The following NRG3 variants were observed in gnomAD, a reference collection of about 807,000 sequenced individuals.
NRG3 encodes the protein pro-neuregulin-3, membrane-bound isoform.
NRG3 carries 31 observed loss-of-function variants against 66.9 expected under a neutral mutation model. The observed-to-expected ratio is 0.46, with a 90% CI of 0.35 to 0.63. NRG3 has a LOEUF of 0.63. Among genes scored for constraint, NRG3 ranks in the 20% least tolerant of loss-of-function variants. The probability of loss-of-function intolerance (pLI) is 0.00; values close to 1 mark genes in which losing one functional copy is unlikely to be tolerated. For synonymous variants in NRG3, 393 were observed against 359.4 expected (o/e 1.09, Z -1.06); for missense variants, 910 against 878.9 (o/e 1.04, Z -0.45).
chr10:82,349,269 G>A (rs2083244331), intron 1 of NRG3, among the ~76,000 whole-genome samples: 1 of 151,982 alleles, frequency 6.6e-6, no homozygotes, highest in Non-Finnish European at 1.5e-5. Context: ...CTGTTTGTTA[G>A]TTTTCCTTCT....
intron 2 of NRG3, among the ~76,000 whole-genome samples, chr10:82,498,775 C>T (rs561452173): frequency 1.3e-4 from 20 of 152,214 alleles, no homozygotes; most frequent in Non-Finnish European, 2.8e-4. Flanking sequence ...TCAATGTTGC[C>T]TCAACCCAGG....
intron 1 of NRG3, among the ~76,000 whole-genome samples, chr10:82,187,980 A>G (rs2073908328): frequency 6.6e-6 from 1 of 151,996 alleles, no homozygotes; most frequent in Non-Finnish European, 1.5e-5. Flanking sequence ...CGTAAAATGT[A>G]TATGGAACCA....
At chr10:82,961,168 C>T (rs546335775) in intron 6 of NRG3, among the ~76,000 whole-genome samples, 1 of 152,238 alleles carries the variant, frequency 6.6e-6, no homozygotes, top group South Asian at 2.1e-4. Flanking sequence ...TGCTAGAGAA[C>T]TTAATGTAAG....
At chr10:82,284,421 C>T (rs1339231483) in intron 1 of NRG3, among the ~76,000 whole-genome samples, 1 of 152,190 alleles carries the variant, frequency 6.6e-6, no homozygotes, top group Non-Finnish European at 1.5e-5. Context: ...GAATGGAAAG[C>T]ACTGATGTCA....
chr10:82,820,463 G>A (rs981952057), intron 3 of NRG3, among the ~76,000 whole-genome samples: 2 of 152,130 alleles, frequency 1.3e-5, no homozygotes, highest in East Asian at 1.9e-4. Context: ...TTATGACTTA[G>A]ATATCTCTTA....
chr10:82,417,351 C>A (rs766808393), intron 2 of NRG3, among the ~76,000 whole-genome samples: 10 of 152,036 alleles, frequency 6.6e-5, no homozygotes, highest in Admixed American at 5.9e-4. Flanking sequence ...AATAGTATTC[C>A]AGGCAAAATA....
intron 2 of NRG3, among the ~76,000 whole-genome samples, chr10:82,737,605 T>C (rs892740882): frequency 6.6e-6 from 1 of 152,162 alleles, no homozygotes; most frequent in Admixed American, 6.5e-5. Context: ...TAAGCAACAA[T>C]GGATGCTTCC....
intron 4 of NRG3, among the ~76,000 whole-genome samples, chr10:82,917,411 A>G (rs746607997): frequency 1.3e-5 from 2 of 152,240 alleles, no homozygotes; most frequent in Non-Finnish European, 2.9e-5. Context: ...GAAATGCCAC[A>G]CAAGTCGGGC....
chr10:82,910,776 A>G (rs1358993509), intron 4 of NRG3, among the ~76,000 whole-genome samples: 1 of 152,222 alleles, frequency 6.6e-6, no homozygotes, highest in Non-Finnish European at 1.5e-5. Context: ...AAATATAAAA[A>G]CACTTTATTG....
At chr10:82,191,401 A>G (rs1181900171) in intron 1 of NRG3, among the ~76,000 whole-genome samples, 1 of 152,118 alleles carries the variant, frequency 6.6e-6, no homozygotes, top group Non-Finnish European at 1.5e-5. Context: ...TTGGCCAATT[A>G]TGTATAAATG....
intron 1 of NRG3, among the ~76,000 whole-genome samples, chr10:81,907,217 C>T (rs544365695): frequency 6.6e-6 from 1 of 152,260 alleles, no homozygotes; most frequent in South Asian, 2.1e-4. Flanking sequence ...TTAAACAAAA[C>T]AAGTAATAGA....
At chr10:82,397,287 C>T (rs1408752130) in intron 2 of NRG3, among the ~76,000 whole-genome samples, 2 of 152,094 alleles carry the variant, frequency 1.3e-5, no homozygotes, top group Admixed American at 6.6e-5. Flanking sequence ...AGACCTCATG[C>T]CTGGTTTAGA....
At chr10:82,699,242 A>T (rs1409901114) in intron 2 of NRG3, among the ~76,000 whole-genome samples, 1 of 135,142 alleles carries the variant, frequency 7.4e-6, no homozygotes, top group Non-Finnish European at 1.5e-5. Context: ...AAATAAAAGA[A>T]GGAAAGAGGG....
At chr10:82,264,411 C>T (rs1169443367) in intron 1 of NRG3, among the ~76,000 whole-genome samples, 1 of 152,122 alleles carries the variant, frequency 6.6e-6, no homozygotes, top group African/African-American at 2.4e-5. Context: ...GCGACCCCCA[C>T]TCCCGCCCCG....
intron 4 of NRG3, among the ~76,000 whole-genome samples, chr10:82,917,362 T>G (rs1249700707): frequency 6.6e-6 from 1 of 152,158 alleles, no homozygotes; most frequent in Admixed American, 6.5e-5. Flanking sequence ...GCCTTCACAA[T>G]GAAGTCACAG....
intron 3 of NRG3, among the ~76,000 whole-genome samples, chr10:82,744,845 C>T (rs2058577015): frequency 6.6e-6 from 1 of 152,100 alleles, no homozygotes; most frequent in African/African-American, 2.4e-5. Flanking sequence ...ATACTCCATT[C>T]AGAGCATGTC....
chr10:82,653,290 T>G (rs750860755), intron 2 of NRG3, among the ~76,000 whole-genome samples: 5 of 151,944 alleles, frequency 3.3e-5, no homozygotes, highest in Non-Finnish European at 7.4e-5. Flanking sequence ...AACTGAACAG[T>G]GAAGTGAGTA....
At chr10:82,768,972 G>A (rs181896278) in intron 3 of NRG3, among the ~76,000 whole-genome samples, 17 of 152,118 alleles carry the variant, frequency 1.1e-4, no homozygotes, top group African/African-American at 3.6e-4. Context: ...GATTCTATAC[G>A]CTTTAAGAAG....
intron 2 of NRG3, among the ~76,000 whole-genome samples, chr10:82,554,218 C>T (rs777773829): frequency 7.2e-5 from 11 of 152,104 alleles, no homozygotes; most frequent in Non-Finnish European, 1.5e-4. Context: ...AGCCCCAGCA[C>T]AGTAGGGTGA....
Sources: allele counts gnomAD v4.1 joint callset (sites outside exome capture counted in the v4.1 genomes callset), GRCh38; gene constraint gnomAD v4.1.1; transcripts MANE v1.5; gene names NCBI Gene and HGNC (gene_info 2026-07-23, HGNC 2026-07-21).